CRYBA4: variants seen among roughly 807,000 people sequenced by gnomAD.
CRYBA4 encodes the protein crystallin beta A4, also known as beta-crystallin A4.
CRYBA4 carries 30 observed loss-of-function variants against 31.7 expected under a neutral mutation model. The observed-to-expected ratio is 0.95, with a 90% confidence interval of 0.71 to 1.28. CRYBA4 has a LOEUF of 1.28. Ranked by LOEUF, CRYBA4 falls within the 50% of genes most tolerant of loss-of-function variation. The probability of loss-of-function intolerance (pLI) is 0.00; values close to 1 mark genes in which losing one functional copy is unlikely to be tolerated. For missense variants in CRYBA4, 225 were observed against 260.7 expected, an observed-to-expected ratio of 0.86 and a Z score of 0.94; for synonymous variants, 102 against 102.3, an observed-to-expected ratio of 1.00 and a Z score of 0.02.
the CRYBA4 span, among the ~76,000 whole-genome samples, chr22:26,591,684 T>C: frequency 5.7e-3 from 832 of 145,630 alleles, 7 homozygotes; most frequent in Middle Eastern, 0.018. Flanking sequence ...GAGGTTGCAG[T>C]GAGCCAAGAT....
chr22:26,616,169 C>A, the CRYBA4 span: 1 of 1,614,216 alleles, frequency 6.2e-7, no homozygotes, highest in Non-Finnish European at 8.5e-7. Flanking sequence ...AGTTCCGCCG[C>A]CTTGGCGCTG....
the CRYBA4 span, chr22:26,616,217 G>A: frequency 6.2e-7 from 1 of 1,614,122 alleles, no homozygotes; most frequent in East Asian, 2.2e-5. Flanking sequence ...GTAGTGCCGG[G>A]ACTAGGGGAT....
At chr22:26,599,254 T>C in the CRYBA4 span, 1 of 558,116 alleles carries the variant, frequency 1.8e-6, no homozygotes, top group Non-Finnish European at 3.2e-6. Context: ...ACACATTTGG[T>C]AGACTCACAT....
At chr22:26,604,691 G>A in the CRYBA4 span, among the ~76,000 whole-genome samples, 3 of 152,208 alleles carry the variant, frequency 2.0e-5, no homozygotes, top group African/African-American at 7.2e-5. Context: ...TATCTGTGTG[G>A]CCAGGGTGCA....
the CRYBA4 span, among the ~76,000 whole-genome samples, chr22:26,614,134 A>G: frequency 6.6e-6 from 1 of 152,142 alleles, no homozygotes. Flanking sequence ...TTCATTAGCA[A>G]TTTTAATTTT....
At position 26,627,265 on chromosome 22, in the gene CRYBA4, G is replaced by A. The variant is rs151336312; in HGVS notation, c.301-1023G>A. 4.7e-3 allele frequency among the ~76,000 whole-genome samples: 718 copies of A among 151,598 alleles called. 5 individuals carry two copies. Among genetic ancestry groups the A allele is most frequent in the African/African-American group, 0.017 (690 of 41,344 alleles). The stretch of plus-strand genomic sequence containing the variant: ...GTAAGTGGCAGCTGCCTCCTAGCAG[G>A]AAGGATTTGAGATGATATCTCTACA... On this transcript the variant is annotated intron_variant, in intron 4 of 5. Coordinates refer to ENST00000354760, the MANE Select transcript of CRYBA4 (RefSeq NM_001886.3).
chr22:26,603,687 C>T, the CRYBA4 span, among the ~76,000 whole-genome samples: 1 of 151,848 alleles, frequency 6.6e-6, no homozygotes. Flanking sequence ...GGTGGGATCA[C>T]AAGGTCAGGA....
intron 4 of CRYBA4, 138 bp downstream of exon 4, chr22:26,625,760 C>G: frequency 1.2e-6 from 1 of 814,882 alleles, no homozygotes; most frequent in South Asian, 1.6e-5. Context: ...TCTTTCCTCT[C>G]CAAGCCTCGG....
At chr22:26,609,448 G>A in the CRYBA4 span, among the ~76,000 whole-genome samples, 65 of 152,206 alleles carry the variant, frequency 4.3e-4, no homozygotes, top group Middle Eastern at 3.4e-3. Flanking sequence ...ATGGATAGGT[G>A]GATGGGTAGA....
intron 4 of CRYBA4, among the ~76,000 whole-genome samples, chr22:26,626,765 G>T (rs1446947200): frequency 6.6e-6 from 1 of 152,136 alleles, no homozygotes; most frequent in Non-Finnish European, 1.5e-5. Context: ...CGGATTTTTA[G>T]GTTAGGGATG....
chr22:26,620,873 C>T (rs372346906), upstream of CRYBA4, among the ~76,000 whole-genome samples: 44 of 152,166 alleles, frequency 2.9e-4, 1 homozygote, highest in East Asian at 3.7e-3. Flanking sequence ...TAAAGTCATG[C>T]GTTTGATAGA....
the CRYBA4 span, among the ~76,000 whole-genome samples, chr22:26,611,469 GTTT>G: frequency 7.5e-6 from 1 of 133,316 alleles, no homozygotes; most frequent in Non-Finnish European, 1.6e-5. Context: ...TTTTTTTTTT[GTTT>G]TTTTTTTTTT....
the CRYBA4 span, chr22:26,599,213 G>A: frequency 4.3e-6 from 2 of 465,486 alleles, no homozygotes; most frequent in African/African-American, 2.0e-5. Context: ...ACTCCTTGAC[G>A]GCAGGAACTT....
At chr22:26,613,097 C>T in the CRYBA4 span, among the ~76,000 whole-genome samples, 1 of 152,232 alleles carries the variant, frequency 6.6e-6, no homozygotes, top group African/African-American at 2.4e-5. Flanking sequence ...AGCCCCAGTA[C>T]CTGCCACAGA....
At chr22:26,612,147 T>G in the CRYBA4 span, 8 of 1,613,890 alleles carry the variant, frequency 5.0e-6, no homozygotes, top group Non-Finnish European at 6.8e-6. Context: ...CCCCGAGAAT[T>G]CTGCTCGACG....
Position 26,623,370 on chromosome 22 carries a change from C to CG in CRYBA4, c.158+18_158+19insG. The CG allele has an allele frequency of 6.3e-7, 1 of 1,594,690 alleles. No individual in the cohort carries two copies. Among genetic ancestry groups the CG allele is most frequent in the Non-Finnish European group, 8.6e-7 (1 of 1,162,420 alleles). ...AGTGGAGCGTGAGTCTAGGGGGACA[C>CG]TGAGTTGGGGTAGAGGGTGGACAGG... On this transcript the variant is annotated intron_variant, in intron 3 of 5. Transcript: ENST00000354760.
chr22:26,623,534 A>T lies in CRYBA4; in HGVS notation c.158+182A>T, dbSNP rs74422745. 0.045 allele frequency among the ~76,000 whole-genome samples: 6,808 copies of T among 152,234 alleles called. 202 individuals carry two copies. Among genetic ancestry groups the T allele is most frequent in the East Asian group, 0.094 (487 of 5,176 alleles). On this transcript the variant is annotated intron_variant, in intron 3 of 5. Transcript: ENST00000354760. ...GATTATGCAGGTTGCGCACTGCCCA[A>T]CAGTAGGAGGGTGCCATTTACACAG...
chr22:26,629,731 T>C lies in CRYBA4; in HGVS notation c.444-609T>C, dbSNP rs1250237840. ...GTCTGGGCAACAGAGTGAGACTCTG[T>C]CTCAAAAAAAAAAAAAAAAAAAAAA... is the stretch of plus-strand genomic sequence containing the variant. On this transcript the variant is annotated intron_variant, in intron 5 of 5. Coordinates refer to ENST00000354760, the MANE Select transcript of CRYBA4 (RefSeq NM_001886.3). 1.0e-3 allele frequency among the ~76,000 whole-genome samples: 6 copies of C among 5,958 alleles called. No homozygotes were observed. The East Asian group carries it at 0.045, about 44-fold the overall frequency. The allele number at this position is 5,958 out of a possible 152,430, so 3.9% of individuals were successfully genotyped here.
the CRYBA4 span, chr22:26,607,952 G>T: frequency 1.2e-6 from 2 of 1,614,230 alleles, no homozygotes. Flanking sequence ...ATGTGTTCCA[G>T]CGAGGGTACT....
Sources: gnomAD v4.1 joint callset for allele counts (sites outside exome capture counted in the v4.1 genomes callset) on GRCh38, gnomAD v4.1.1 for gene constraint, MANE v1.5 for transcripts, NCBI Gene and HGNC (gene_info 2026-07-23, HGNC 2026-07-21) for gene names.